Variants in CALN1 observed in about 807,000 individuals in gnomAD.
CALN1 encodes calcium-binding protein 8.
CALN1 carries 17 observed loss-of-function variants against 30.6 expected under a neutral mutation model. The observed-to-expected ratio is 0.56, with a 90% CI of 0.38 to 0.83. The LOEUF (loss-of-function observed/expected upper bound fraction) is 0.83. Ranked by LOEUF, CALN1 falls within the 40% of genes least tolerant of loss-of-function variation. The probability of loss-of-function intolerance (pLI) is 0.00; values close to 1 mark genes in which losing one functional copy is unlikely to be tolerated. For missense variants in CALN1, 291 were observed against 354.9 expected, an observed-to-expected ratio of 0.82 and a Z score of 1.45; for synonymous variants, 156 against 131.4, an observed-to-expected ratio of 1.19 and a Z score of -1.28.
chr7:72,035,073 G>A (rs1054059692), intron 4 of CALN1, among the ~76,000 whole-genome samples: 5 of 152,108 alleles, frequency 3.3e-5, no homozygotes, highest in Non-Finnish European at 5.9e-5. Flanking sequence ...GAATAGTAGA[G>A]CATGTTCTCA....
chr7:72,111,077 A>AC (rs1416564010), intron 3 of CALN1, among the ~76,000 whole-genome samples: 1 of 152,190 alleles, frequency 6.6e-6, no homozygotes, highest in Non-Finnish European at 1.5e-5. Flanking sequence ...CGCCAGGGCT[A>AC]CGTGAGCACG....
chr7:72,236,602 C>T (rs1794487913), intron 3 of CALN1, among the ~76,000 whole-genome samples: 1 of 152,226 alleles, frequency 6.6e-6, no homozygotes, highest in Non-Finnish European at 1.5e-5. Flanking sequence ...TTTCCTCTTG[C>T]ATCGTGGTGG....
At chr7:71,892,082 T>C (rs897953003) in intron 5 of CALN1, among the ~76,000 whole-genome samples, 3 of 152,230 alleles carry the variant, frequency 2.0e-5, no homozygotes, top group Non-Finnish European at 4.4e-5. Flanking sequence ...GCTTGGTGAC[T>C]GGCACACAGG....
chr7:72,366,451 C>G (rs538244338), intron 2 of CALN1, among the ~76,000 whole-genome samples: 257 of 152,330 alleles, frequency 1.7e-3, no homozygotes, highest in Non-Finnish European at 2.9e-3. Flanking sequence ...GCTGGCATTA[C>G]AGGCATGAGC....
At chr7:71,857,038 GT>G (rs1562845135) in intron 5 of CALN1, among the ~76,000 whole-genome samples, 1 of 151,630 alleles carries the variant, frequency 6.6e-6, no homozygotes, top group African/African-American at 2.4e-5. Context: ...GTGTGTGTGT[GT>G]GTGTGTGTGT....
At chr7:71,997,291 GA>G (rs1409812924) in intron 5 of CALN1, among the ~76,000 whole-genome samples, 1 of 151,828 alleles carries the variant, frequency 6.6e-6, no homozygotes, top group East Asian at 1.9e-4. Flanking sequence ...TTACAAAACT[GA>G]AAAAAATCAA....
At chr7:72,381,810 A>G (rs898067269) in intron 2 of CALN1, among the ~76,000 whole-genome samples, 2 of 152,252 alleles carry the variant, frequency 1.3e-5, no homozygotes, top group Non-Finnish European at 2.9e-5. Flanking sequence ...TGGCACATGT[A>G]TACTTATGTA....
intron 4 of CALN1, among the ~76,000 whole-genome samples, chr7:72,066,494 A>T (rs972596037): frequency 1.3e-5 from 2 of 151,326 alleles, no homozygotes; most frequent in African/African-American, 4.9e-5. Flanking sequence ...TTTTTTCAGT[A>T]CTTTTTTTTT....
chr7:72,101,247 G>T (rs1443404451), intron 4 of CALN1, among the ~76,000 whole-genome samples: 1 of 152,160 alleles, frequency 6.6e-6, no homozygotes, highest in African/African-American at 2.4e-5. Flanking sequence ...GATTGACTAG[G>T]TTTTATTACA....
At chr7:72,241,106 C>G (rs1405431451) in intron 3 of CALN1, among the ~76,000 whole-genome samples, 2 of 152,230 alleles carry the variant, frequency 1.3e-5, no homozygotes, top group South Asian at 4.1e-4. Flanking sequence ...CTCTGGCACA[C>G]AGTAGATTCT....
intron 4 of CALN1, among the ~76,000 whole-genome samples, chr7:72,078,138 C>T (rs114122585): frequency 1.6e-3 from 238 of 152,162 alleles, no homozygotes; most frequent in African/African-American, 5.3e-3. Flanking sequence ...CTTAGGGGAG[C>T]GAGGAGTGGT....
intron 1 of CALN1, among the ~76,000 whole-genome samples, chr7:72,438,438 A>T (rs537365164): frequency 1.5e-4 from 23 of 151,938 alleles, no homozygotes; most frequent in Non-Finnish European, 1.8e-4. Context: ...GTATTTCTTG[A>T]CTCCCTATTT....
chr7:72,049,309 AAG>A (rs1272893986), intron 4 of CALN1, among the ~76,000 whole-genome samples: 9 of 152,212 alleles, frequency 5.9e-5, no homozygotes, highest in African/African-American at 2.2e-4. Flanking sequence ...TGAACTTTAC[AAG>A]AGAGAAAGAC....
chr7:72,394,370 T>C (rs1805777826), intron 2 of CALN1, among the ~76,000 whole-genome samples: 1 of 152,176 alleles, frequency 6.6e-6, no homozygotes, highest in African/African-American at 2.4e-5. Flanking sequence ...TTCTAGAAAA[T>C]GTAGCTTTAG....
chr7:71,832,625 C>CA (rs1789357306), intron 5 of CALN1, among the ~76,000 whole-genome samples: 2 of 152,226 alleles, frequency 1.3e-5, no homozygotes, highest in South Asian at 4.2e-4. Flanking sequence ...TTTTTTGAGA[C>CA]AGTCTTGCTC....
intron 6 of CALN1, among the ~76,000 whole-genome samples, chr7:71,793,481 C>T (rs1435923632): frequency 6.6e-6 from 1 of 152,148 alleles, no homozygotes; most frequent in Admixed American, 6.5e-5. Context: ...GACTTTGGAG[C>T]CAGACCAAAA....
chr7:72,089,000 C>G (rs923580982), intron 4 of CALN1, among the ~76,000 whole-genome samples: 1 of 151,754 alleles, frequency 6.6e-6, no homozygotes, highest in Admixed American at 6.6e-5. Context: ...AAATAAGAAA[C>G]AGAAAACGAG....
At chr7:71,820,624 C>T (rs768037771) in intron 5 of CALN1, among the ~76,000 whole-genome samples, 1 of 152,200 alleles carries the variant, frequency 6.6e-6, no homozygotes, top group Non-Finnish European at 1.5e-5. Flanking sequence ...GCTTTTAACT[C>T]TTTGGGGTAT....
intron 5 of CALN1, among the ~76,000 whole-genome samples, chr7:71,810,854 T>C (rs1023868306): frequency 2.0e-5 from 3 of 152,032 alleles, no homozygotes; most frequent in Admixed American, 1.3e-4. Context: ...TTTTATAATT[T>C]ACCAACACTC....
Sources: allele counts gnomAD v4.1 joint callset (sites outside exome capture counted in the v4.1 genomes callset), GRCh38; gene constraint gnomAD v4.1.1; transcripts MANE v1.5; gene names NCBI Gene and HGNC (gene_info 2026-07-23, HGNC 2026-07-21).